CCDC178: variants seen among roughly 807,000 people sequenced by gnomAD.
The protein encoded by CCDC178 is coiled-coil domain containing 178.
A neutral mutation model predicts 117.4 loss-of-function variants in CCDC178; 126 were observed. The observed-to-expected ratio is 1.07, with a 90% CI of 0.93 to 1.24. CCDC178 has a LOEUF of 1.24. Ranked by LOEUF, CCDC178 falls within the 50% of genes most tolerant of loss-of-function variation. The probability of loss-of-function intolerance (pLI) is 0.00; values close to 1 mark genes in which losing one functional copy is unlikely to be tolerated. For missense variants in CCDC178, 1,030 were observed against 986.9 expected (o/e 1.04, Z -0.59); for synonymous variants, 283 against 313.4 (o/e 0.90, Z 1.02).
At chr18:33,281,937 G>C (rs1402622249) in intron 12 of CCDC178, among the ~76,000 whole-genome samples, 1 of 152,192 alleles carries the variant, frequency 6.6e-6, no homozygotes, top group African/African-American at 2.4e-5. Context: ...AAACTGTAAA[G>C]AGAGAGAGGG....
intron 21 of CCDC178, among the ~76,000 whole-genome samples, chr18:33,068,081 A>C (rs2144986655): frequency 6.6e-6 from 1 of 152,238 alleles, no homozygotes; most frequent in East Asian, 1.9e-4. Context: ...AAAATGAATG[A>C]ATTCCTGGAC....
chr18:33,226,164 A>G (rs186920296), intron 16 of CCDC178, among the ~76,000 whole-genome samples: 8 of 152,190 alleles, frequency 5.3e-5, no homozygotes, highest in African/African-American at 1.9e-4. Context: ...TTTCTCAAAA[A>G]AACAAAAACA....
chr18:32,971,007 G>T (rs901082314), intron 22 of CCDC178, among the ~76,000 whole-genome samples: 2 of 151,878 alleles, frequency 1.3e-5, no homozygotes, highest in Non-Finnish European at 2.9e-5. Context: ...TATTATTTAT[G>T]TATTTATTTT....
At chr18:33,373,049 T>C (rs1391146945) in intron 5 of CCDC178, among the ~76,000 whole-genome samples, 2 of 152,186 alleles carry the variant, frequency 1.3e-5, no homozygotes, top group Non-Finnish European at 2.9e-5. Flanking sequence ...TAAAAATAAT[T>C]TGTCCTCCAT....
chr18:33,432,478 TAC>T (rs56111462), intron 2 of CCDC178, among the ~76,000 whole-genome samples: 58,133 of 142,980 alleles, frequency 0.41, 11,896 homozygotes, highest in East Asian at 0.54. Flanking sequence ...GCCTTCTCCA[TAC>T]ACACACACAC....
At position 33,348,933 on chromosome 18, in the gene CCDC178, A is replaced by G. The variant is rs755888920; in HGVS notation, c.414T>C (p.Ser138=). 8.1e-6 allele frequency: 13 copies of G among 1,609,686 alleles called. No homozygotes were observed. The East Asian group carries it at 2.7e-4, about 33-fold the overall frequency. Residue 138 remains serine (S), a synonymous_variant, in exon 8 of 23, where the codon AGT becomes AGC. Coordinates refer to ENST00000383096, the MANE Select transcript of CCDC178 (RefSeq NM_001105528.4). ...SSTKDLKEDW[S]VTTPVKEVKP... ...TGACCTCTTTCACTGGTGTAGTTAC[A>G]CTCCAATCTTCTTTCAGGTCTTTTG...
intron 20 of CCDC178, among the ~76,000 whole-genome samples, chr18:33,156,174 C>T (rs1240208628): frequency 6.7e-6 from 1 of 149,752 alleles, no homozygotes. Flanking sequence ...CTGCAACCTC[C>T]GCCTCCCAGG....
chr18:32,993,474 C>G (rs574622309), intron 21 of CCDC178, among the ~76,000 whole-genome samples: 2 of 152,174 alleles, frequency 1.3e-5, no homozygotes. Context: ...ATGCCCTGGG[C>G]AAGTGCAGTA....
intron 21 of CCDC178, among the ~76,000 whole-genome samples, chr18:32,990,473 A>G (rs758146033): frequency 9.2e-5 from 14 of 152,170 alleles, no homozygotes; most frequent in Non-Finnish European, 1.6e-4. Context: ...AAAGTTATAA[A>G]GAGTTGGCAT....
intron 18 of CCDC178, among the ~76,000 whole-genome samples, chr18:33,218,761 T>C (rs1181446774): frequency 4.6e-5 from 7 of 152,172 alleles, no homozygotes; most frequent in South Asian, 4.1e-4. Context: ...CAGATGGTTG[T>C]AGATCTGTGG....
chr18:33,238,605 G>A lies in CCDC178; in HGVS notation c.1593+6640C>T, dbSNP rs368411165. Among the ~76,000 whole-genome samples the A allele has an allele frequency of 1.3e-4, 20 of 152,076 alleles. No individual in the cohort carries two copies. The East Asian group carries it at 3.9e-3, about 29-fold the overall frequency. On this transcript the variant is annotated intron_variant, in intron 15 of 22. Transcript: ENST00000383096. ...AGTCTTTTGAAATAACAAGGCAGAG[G>A]AAAACAATGAAAAGAATGACACCAT...
At position 33,101,785 on chromosome 18, in the gene CCDC178, C is replaced by T. The variant is rs202198147; in HGVS notation, c.2239-8875G>A. 9.9e-5 allele frequency among the ~76,000 whole-genome samples: 15 copies of T among 151,908 alleles called. No individual in the cohort carries two copies. In the East Asian group the frequency reaches 1.9e-3, roughly 20 times the overall value. The stretch of plus-strand genomic sequence containing the variant: ...AGAGAAAAACTGATCTAAGGGGTTC[C>T]AGAACACATATTATGGCATAAATTA... On this transcript the variant is annotated intron_variant, in intron 20 of 22. Transcript: ENST00000383096.
Position 32,942,684 on chromosome 18 carries a change from G to GT in CCDC178, c.2524-4594dup, listed in dbSNP as rs1181320059. On this transcript the variant is annotated intron_variant, in intron 22 of 22. Transcript: ENST00000383096. Reference sequence around the variant, plus strand: ...ATAAAAGCTATATTTCAGCTTTGGTGTTTTTTATTCTTTTTTTTTAATCAA... The same window carrying GT: ...ATAAAAGCTATATTTCAGCTTTGGTGTTTTTTTATTCTTTTTTTTTAATCAA... 4.6e-5 allele frequency among the ~76,000 whole-genome samples: 7 copies of GT among 151,970 alleles called. 1 individual carries two copies. Among genetic ancestry groups the GT allele is most frequent in the Non-Finnish European group, 7.4e-5 (5 of 67,952 alleles).
intron 20 of CCDC178, among the ~76,000 whole-genome samples, chr18:33,120,034 G>A (rs1344013915): frequency 1.3e-4 from 19 of 151,822 alleles, no homozygotes; most frequent in Non-Finnish European, 2.8e-4. Flanking sequence ...GGGGCCTGTC[G>A]TGGGGTGGGG....
chr18:33,029,390 G>A (rs943657660), intron 21 of CCDC178, among the ~76,000 whole-genome samples: 6 of 151,498 alleles, frequency 4.0e-5, no homozygotes, highest in South Asian at 4.2e-4. Context: ...TTCATATTGC[G>A]TCTTTCTTAT....
At chr18:33,078,703 G>A (rs1405855577) in intron 21 of CCDC178, among the ~76,000 whole-genome samples, 1 of 152,028 alleles carries the variant, frequency 6.6e-6, no homozygotes, top group African/African-American at 2.4e-5. Context: ...GGAAAAAAAT[G>A]CCTAGGAATG....
Position 32,946,733 on chromosome 18 carries a change from T to G in CCDC178, c.2524-8642A>C, listed in dbSNP as rs547286369. ...GTTGTGGTTTTTTGGGTTTTTTTTT[T>G]TTTTGCTGTTTTTGTTGTTTTTTTT... On this transcript the variant is annotated intron_variant, in intron 22 of 22. Transcript: ENST00000383096. 4.3e-3 allele frequency among the ~76,000 whole-genome samples: 652 copies of G among 150,778 alleles called. 3 individuals are homozygous for G. Among genetic ancestry groups the G allele is most frequent in the Middle Eastern group, 0.021 (6 of 288 alleles).
At chr18:33,233,583 G>GT (rs369666782) in intron 15 of CCDC178, among the ~76,000 whole-genome samples, 56 of 147,490 alleles carry the variant, frequency 3.8e-4, no homozygotes, top group Non-Finnish European at 4.5e-4. Context: ...GTTAAAGATT[G>GT]TTTTTTTTTT....
At chr18:33,372,246 T>C (rs538540646) in intron 5 of CCDC178, among the ~76,000 whole-genome samples, 59 of 152,224 alleles carry the variant, frequency 3.9e-4, no homozygotes, top group African/African-American at 1.4e-3. Context: ...TCTTTTTATT[T>C]CATTGCAAGC....
Sources: gnomAD v4.1 joint callset for allele counts (sites outside exome capture counted in the v4.1 genomes callset) on GRCh38, gnomAD v4.1.1 for gene constraint, MANE v1.5 for transcripts, NCBI Gene and HGNC (gene_info 2026-07-23, HGNC 2026-07-21) for gene names.